Variants in SPOCK1 observed in about 807,000 individuals in gnomAD.
SPOCK1 encodes the protein testican-1.
SPOCK1 carries 23 observed loss-of-function variants against 55.3 expected under a neutral mutation model. The ratio of observed to expected loss-of-function variants is 0.42; its 90% confidence interval spans 0.30 to 0.59. SPOCK1 has a LOEUF of 0.59. Among genes scored for constraint, SPOCK1 ranks in the 20% least tolerant of loss-of-function variants. The pLI, the probability that SPOCK1 is intolerant of heterozygous loss-of-function variation, is 0.22. For synonymous variants in SPOCK1, 226 were observed against 221.0 expected (o/e 1.02, Z -0.20); for missense variants, 499 against 552.5 (o/e 0.90, Z 0.97).
At chr5:137,383,234 A>G (rs1424199333) in intron 2 of SPOCK1, among the ~76,000 whole-genome samples, 1 of 152,172 alleles carries the variant, frequency 6.6e-6, no homozygotes, top group Non-Finnish European at 1.5e-5. Flanking sequence ...GTTTAAGAAA[A>G]TCAGGGAAAA....
At chr5:137,497,006 T>TGTGGGG (rs1281613961) in intron 2 of SPOCK1, among the ~76,000 whole-genome samples, 1 of 150,382 alleles carries the variant, frequency 6.6e-6, no homozygotes, top group Non-Finnish European at 1.5e-5. Context: ...GAGAGGAGAG[T>TGTGGGG]GATAAACCCC....
chr5:137,102,138 C>A (rs1753280991), intron 5 of SPOCK1, among the ~76,000 whole-genome samples: 2 of 152,068 alleles, frequency 1.3e-5, no homozygotes, highest in South Asian at 4.2e-4. Flanking sequence ...TCTTTTCCTC[C>A]CACTTCTTCT....
At chr5:137,442,824 T>G (rs1018074981) in intron 2 of SPOCK1, among the ~76,000 whole-genome samples, 1 of 152,236 alleles carries the variant, frequency 6.6e-6, no homozygotes, top group Non-Finnish European at 1.5e-5. Flanking sequence ...CTGGCCACAA[T>G]TCACGGTGCA....
At chr5:137,122,861 T>C (rs1029078871) in intron 4 of SPOCK1, among the ~76,000 whole-genome samples, 6 of 152,254 alleles carry the variant, frequency 3.9e-5, no homozygotes, top group Non-Finnish European at 5.9e-5. Context: ...TTAATTATCA[T>C]GGGATGTGCC....
At chr5:137,099,452 G>A (rs1000434762) in intron 5 of SPOCK1, among the ~76,000 whole-genome samples, 6 of 152,088 alleles carry the variant, frequency 3.9e-5, no homozygotes, top group African/African-American at 1.4e-4. Flanking sequence ...CTGAATGAAT[G>A]CACGTTCTCT....
At chr5:137,095,422 A>G (rs971005888) in intron 5 of SPOCK1, among the ~76,000 whole-genome samples, 1 of 152,186 alleles carries the variant, frequency 6.6e-6, no homozygotes, top group Non-Finnish European at 1.5e-5. Flanking sequence ...CCAAAGACCA[A>G]AACTGTTTGG....
chr5:137,108,669 G>T (rs1474773205), intron 5 of SPOCK1, among the ~76,000 whole-genome samples: 1 of 152,176 alleles, frequency 6.6e-6, no homozygotes, highest in Non-Finnish European at 1.5e-5. Context: ...TTCTGCCCCA[G>T]GAAAAGGGTT....
At chr5:137,470,840 A>T (rs1753726111) in intron 2 of SPOCK1, among the ~76,000 whole-genome samples, 1 of 152,166 alleles carries the variant, frequency 6.6e-6, no homozygotes, top group Non-Finnish European at 1.5e-5. Flanking sequence ...TGTCTGGCAG[A>T]ATTTCCCCAG....
intron 3 of SPOCK1, among the ~76,000 whole-genome samples, chr5:137,218,335 G>T (rs576864024): frequency 6.6e-6 from 1 of 152,210 alleles, no homozygotes; most frequent in Non-Finnish European, 1.5e-5. Context: ...ATAATAGAAG[G>T]TATACCAAAG....
intron 3 of SPOCK1, among the ~76,000 whole-genome samples, chr5:137,201,997 G>A (rs1755434790): frequency 3.3e-5 from 5 of 152,206 alleles, no homozygotes; most frequent in Admixed American, 3.3e-4. Flanking sequence ...AAGTCTCCCA[G>A]CCCACTAGCT....
intron 2 of SPOCK1, among the ~76,000 whole-genome samples, chr5:137,390,100 G>A (rs1464806945): frequency 6.6e-6 from 1 of 152,092 alleles, no homozygotes; most frequent in Non-Finnish European, 1.5e-5. Context: ...CCTACTAAAG[G>A]AAATCCTGTC....
At chr5:136,999,233 G>A (rs576419228) in intron 6 of SPOCK1, among the ~76,000 whole-genome samples, 39 of 152,276 alleles carry the variant, frequency 2.6e-4, no homozygotes, top group African/African-American at 9.1e-4. Context: ...GCCTTGGTGG[G>A]GTTGTAAGGG....
intron 5 of SPOCK1, among the ~76,000 whole-genome samples, chr5:137,110,597 C>T (rs1161868440): frequency 6.6e-6 from 1 of 152,144 alleles, no homozygotes; most frequent in Non-Finnish European, 1.5e-5. Flanking sequence ...AATGTTGAAT[C>T]TATTAGGGGC....
At chr5:137,130,749 A>G (rs72794506) in intron 4 of SPOCK1, among the ~76,000 whole-genome samples, 3,657 of 152,142 alleles carry the variant, frequency 0.024, 61 homozygotes, top group Non-Finnish European at 0.035. Flanking sequence ...ACACCACAGC[A>G]CCTCCAGCTG....
chr5:137,154,419 G>T (rs1321713959), intron 3 of SPOCK1, among the ~76,000 whole-genome samples: 1 of 152,198 alleles, frequency 6.6e-6, no homozygotes, highest in Non-Finnish European at 1.5e-5. Context: ...TTGAAGATCT[G>T]CTGAGGAACA....
intron 6 of SPOCK1, among the ~76,000 whole-genome samples, chr5:137,037,794 C>A (rs1265837738): frequency 6.6e-6 from 1 of 152,196 alleles, no homozygotes; most frequent in Non-Finnish European, 1.5e-5. Flanking sequence ...TTGCTTACCC[C>A]TGATGTTTGA....
At chr5:137,123,772 T>C (rs146678883) in intron 4 of SPOCK1, among the ~76,000 whole-genome samples, 465 of 152,236 alleles carry the variant, frequency 3.1e-3, no homozygotes, top group Non-Finnish European at 4.9e-3. Flanking sequence ...AGGGGATGTT[T>C]CCATTTATTT....
chr5:137,173,142 G>A (rs1342695889), intron 3 of SPOCK1, among the ~76,000 whole-genome samples: 1 of 152,110 alleles, frequency 6.6e-6, no homozygotes, highest in Non-Finnish European at 1.5e-5. Flanking sequence ...TCTTTTACCT[G>A]AGTCCTGGTA....
chr5:137,040,296 G>A (rs773479561), intron 6 of SPOCK1, among the ~76,000 whole-genome samples: 5 of 152,242 alleles, frequency 3.3e-5, no homozygotes, highest in Non-Finnish European at 7.3e-5. Context: ...ACTGTTCAAT[G>A]CATTCTGATG....
Sources: allele counts gnomAD v4.1 joint callset (sites outside exome capture counted in the v4.1 genomes callset), GRCh38; gene constraint gnomAD v4.1.1; transcripts MANE v1.5; gene names NCBI Gene and HGNC (gene_info 2026-07-23, HGNC 2026-07-21).